Variants in LRRTM3 observed in about 807,000 individuals in gnomAD.
The protein encoded by LRRTM3 is leucine-rich repeat transmembrane neuronal protein 3.
A neutral mutation model predicts 44.7 loss-of-function variants in LRRTM3; 24 were observed. That is an observed-to-expected ratio of 0.54 (90% confidence interval 0.39 to 0.76). The LOEUF (loss-of-function observed/expected upper bound fraction) is 0.76, where lower values mean the gene tolerates loss of function less well. Ranked by LOEUF, LRRTM3 falls within the 30% of genes least tolerant of loss-of-function variation. LRRTM3 has a pLI of 0.00. For synonymous variants in LRRTM3, 277 were observed against 278.7 expected (o/e 0.99, Z 0.06); for missense variants, 587 against 702.2 (o/e 0.84, Z 1.85).
chr10:66,990,834 T>C (rs1851000308), intron 2 of LRRTM3, among the ~76,000 whole-genome samples: 1 of 152,188 alleles, frequency 6.6e-6, no homozygotes, highest in Admixed American at 6.5e-5. Flanking sequence ...TTCAAGGAAG[T>C]AAAATTTCAC....
intron 2 of LRRTM3, among the ~76,000 whole-genome samples, chr10:67,083,194 G>A (rs930446582): frequency 6.6e-6 from 1 of 151,580 alleles, no homozygotes; most frequent in African/African-American, 2.4e-5. Flanking sequence ...TCCTTTATTC[G>A]AAACCACATT....
intron 2 of LRRTM3, among the ~76,000 whole-genome samples, chr10:67,089,705 GTGTATATACATA>G (rs918520321): frequency 7.4e-6 from 1 of 135,206 alleles, no homozygotes; most frequent in Non-Finnish European, 1.6e-5. Context: ...GTATACATAT[GTGTATATACATA>G]TGTGTGTGTG....
chr10:67,072,495 A>G (rs765924551), intron 2 of LRRTM3, among the ~76,000 whole-genome samples: 1 of 152,214 alleles, frequency 6.6e-6, no homozygotes, highest in East Asian at 1.9e-4. Flanking sequence ...ATTCCAAACG[A>G]TATCTTCCAC....
chr10:66,942,988 T>C (rs1848090569), intron 2 of LRRTM3, among the ~76,000 whole-genome samples: 4 of 152,298 alleles, frequency 2.6e-5, no homozygotes, highest in South Asian at 2.1e-4. Flanking sequence ...CTTTTCTTTC[T>C]TCCCAGGGCA....
chr10:67,088,177 GTC>G (rs1459322614), intron 2 of LRRTM3, among the ~76,000 whole-genome samples: 2 of 151,204 alleles, frequency 1.3e-5, no homozygotes, highest in African/African-American at 4.8e-5. Flanking sequence ...GGAATCCTCT[GTC>G]TTCTGCTTGC....
chr10:67,043,135 C>CTTT (rs34946963), intron 2 of LRRTM3, among the ~76,000 whole-genome samples: 4 of 103,746 alleles, frequency 3.9e-5, no homozygotes, highest in Non-Finnish European at 4.4e-5. Context: ...CACTTTCTTT[C>CTTT]TTTTTTTTTT....
chr10:66,926,476 G>C lies in LRRTM3; in HGVS notation c.-108G>C, dbSNP rs1847080145. On this transcript the variant is annotated 5_prime_UTR_variant, in exon 1 of 3. Transcript: ENST00000361320. Reference sequence around the variant, plus strand: ...CAAGGGGTCCAATTTTTCTTCCTGGGTGTCAGCGAGCCCTGACTCACTACA... The same window carrying C: ...CAAGGGGTCCAATTTTTCTTCCTGGCTGTCAGCGAGCCCTGACTCACTACA... 7.8e-7 allele frequency: 1 copy of C among 1,287,104 alleles called. No individual in the cohort carries two copies. The highest frequency in any genetic ancestry group is 1.3e-5 in the South Asian group (1 of 78,340). 79.7% of individuals were successfully genotyped at this position (1,287,104 alleles called of 1,614,324 possible). A position where few individuals can be genotyped will look rare whatever the true frequency, so the allele number is the denominator to read the frequency against.
chr10:67,051,613 C>G (rs951006626), intron 2 of LRRTM3, among the ~76,000 whole-genome samples: 10 of 151,912 alleles, frequency 6.6e-5, no homozygotes, highest in Admixed American at 3.9e-4. Context: ...ACCTCATGAC[C>G]TGAGATGGTC....
chr10:66,948,635 A>G (rs1848391364), intron 2 of LRRTM3, among the ~76,000 whole-genome samples: 2 of 152,204 alleles, frequency 1.3e-5, no homozygotes, highest in Non-Finnish European at 2.9e-5. Flanking sequence ...ATTTATATCT[A>G]CAGGAAGAAT....
At chr10:66,931,542 A>G (rs1847393660) in intron 2 of LRRTM3, among the ~76,000 whole-genome samples, 1 of 152,214 alleles carries the variant, frequency 6.6e-6, no homozygotes, top group Admixed American at 6.5e-5. Context: ...TCTATGGAGC[A>G]GCAGTGACCT....
At chr10:67,063,098 C>T (rs1468195945) in intron 2 of LRRTM3, among the ~76,000 whole-genome samples, 10 of 152,084 alleles carry the variant, frequency 6.6e-5, no homozygotes, top group Admixed American at 3.3e-4. Flanking sequence ...AAACCCTGAC[C>T]GATGCAGTAT....
intron 2 of LRRTM3, among the ~76,000 whole-genome samples, chr10:66,931,409 T>C (rs2132641039): frequency 6.6e-6 from 1 of 152,314 alleles, no homozygotes; most frequent in East Asian, 1.9e-4. Context: ...GCAAGATATA[T>C]TGCATTGAAA....
chr10:66,935,928 A>T (rs1016845847), intron 2 of LRRTM3, among the ~76,000 whole-genome samples: 2 of 152,088 alleles, frequency 1.3e-5, no homozygotes, highest in African/African-American at 4.8e-5. Context: ...TCTCAAAGCC[A>T]AATCATGCAT....
chr10:66,942,060 C>T (rs978797358), intron 2 of LRRTM3, among the ~76,000 whole-genome samples: 3 of 152,130 alleles, frequency 2.0e-5, no homozygotes, highest in Non-Finnish European at 4.4e-5. Context: ...GTATCAGTTT[C>T]CTCATCTGTA....
chr10:66,963,902 G>A (rs927847812), intron 2 of LRRTM3, among the ~76,000 whole-genome samples: 1 of 151,592 alleles, frequency 6.6e-6, no homozygotes, highest in African/African-American at 2.4e-5. Flanking sequence ...GAGTGCAGTG[G>A]CGCAATCTCG....
chr10:67,020,291 G>A (rs766779859), intron 2 of LRRTM3, among the ~76,000 whole-genome samples: 42 of 152,146 alleles, frequency 2.8e-4, no homozygotes, highest in African/African-American at 3.9e-4. Context: ...GTTGACAAGC[G>A]CTCAAATATA....
At chr10:66,948,436 G>A (rs1025168754) in intron 2 of LRRTM3, among the ~76,000 whole-genome samples, 3 of 152,178 alleles carry the variant, frequency 2.0e-5, no homozygotes, top group Non-Finnish European at 4.4e-5. Context: ...ATGGAGATGC[G>A]TTTTTAAGAG....
At chr10:67,013,594 T>A (rs1294872778) in intron 2 of LRRTM3, among the ~76,000 whole-genome samples, 3 of 152,202 alleles carry the variant, frequency 2.0e-5, no homozygotes, top group African/African-American at 7.2e-5. Context: ...TACTTGTTGA[T>A]GGCTATGAGT....
At chr10:66,947,646 T>G (rs1848341459) in intron 2 of LRRTM3, among the ~76,000 whole-genome samples, 1 of 152,212 alleles carries the variant, frequency 6.6e-6, no homozygotes, top group Non-Finnish European at 1.5e-5. Flanking sequence ...TTTCCCTACC[T>G]TTCTCACCCT....
Sources: allele counts gnomAD v4.1 joint callset (sites outside exome capture counted in the v4.1 genomes callset), GRCh38; gene constraint gnomAD v4.1.1; transcripts MANE v1.5; gene names NCBI Gene and HGNC (gene_info 2026-07-23, HGNC 2026-07-21).